XIRP2: variants seen among roughly 807,000 people sequenced by gnomAD.
XIRP2 encodes xin actin binding repeat containing 2.
In XIRP2, 236 loss-of-function variants were observed where a neutral mutation model predicts 277.0. The observed-to-expected ratio is 0.85, with a 90% CI of 0.77 to 0.95. The LOEUF is 0.95. XIRP2 is among the 40% of genes least tolerant of loss of function. XIRP2 has a pLI of 0.00. For synonymous variants in XIRP2, 1,490 were observed against 1,416.5 expected (o/e 1.05, Z -1.17); for missense variants, 4,640 against 4,157.5 (o/e 1.12, Z -3.19).
At chr2:167,145,370 A>G (rs1235323784) in intron 3 of XIRP2, among the ~76,000 whole-genome samples, 1 of 152,162 alleles carries the variant, frequency 6.6e-6, no homozygotes, top group Admixed American at 6.5e-5. Flanking sequence ...AATTAGCAGA[A>G]TTGAAAGAAA....
At chr2:167,208,513 T>C (rs1486299185) in intron 3 of XIRP2, among the ~76,000 whole-genome samples, 1 of 152,140 alleles carries the variant, frequency 6.6e-6, no homozygotes, top group Admixed American at 6.5e-5. Context: ...TTTCACCGTG[T>C]TAGCCAGGAT....
intron 2 of XIRP2, among the ~76,000 whole-genome samples, chr2:166,923,309 C>A (rs1685104746): frequency 6.6e-6 from 1 of 152,036 alleles, no homozygotes; most frequent in Non-Finnish European, 1.5e-5. Flanking sequence ...GTATATTGCT[C>A]AAAAGAGCCT....
At chr2:166,908,145 G>A (rs576704555) in intron 2 of XIRP2, among the ~76,000 whole-genome samples, 58 of 152,136 alleles carry the variant, frequency 3.8e-4, no homozygotes, top group Non-Finnish European at 7.3e-4. Flanking sequence ...TGGGATGGCT[G>A]GGTTAAATGG....
In XIRP2 at chr2:167,249,371, T is replaced by A. The variant is rs201743062; in HGVS notation, c.7979T>A (p.Leu2660Ter). The change falls in exon 9 of 11, where the codon TTA becomes TAA. Residue 2660 changes from leucine (L) to a stop codon, truncating the protein, a stop_gained. Coordinates refer to ENST00000409195, the MANE Select transcript of XIRP2 (RefSeq NM_152381.6). LOFTEE classifies it high-confidence loss of function. ...AAAGATAAGATGAAAAAGGAAGTTT[T>A]ACAAAGCTCAAGGGACATTATGCAA... The part of the protein sequence containing the change: ...EDKDKMKKEV[L>*]QSSRDIMQSK... 6 of 1,613,788 alleles carry A rather than the reference T, an allele frequency of 3.7e-6. No individual in the cohort carries two copies. In the African/African-American group the frequency reaches 8.0e-5, roughly 22 times the overall value.
intron 5 of XIRP2, among the ~76,000 whole-genome samples, chr2:167,228,333 T>C (rs1694665467): frequency 6.6e-6 from 1 of 152,146 alleles, no homozygotes; most frequent in African/African-American, 2.4e-5. Context: ...CAGAACCTAT[T>C]GGTATATGAG....
intron 2 of XIRP2, among the ~76,000 whole-genome samples, chr2:166,942,263 AC>A (rs955524281): frequency 2.0e-5 from 3 of 152,126 alleles, no homozygotes; most frequent in Non-Finnish European, 4.4e-5. Context: ...AAAAATATTG[AC>A]CCTGTGGGCA....
chr2:167,216,217 C>A (rs1694244313), intron 4 of XIRP2, among the ~76,000 whole-genome samples: 1 of 61,428 alleles, frequency 1.6e-5, no homozygotes, highest in South Asian at 7.0e-4. Context: ...AGGACATAGG[C>A]GTGGGCAAGG....
At chr2:166,889,247 A>T (rs1296561790) in intron 1 of XIRP2, among the ~76,000 whole-genome samples, 1 of 152,198 alleles carries the variant, frequency 6.6e-6, no homozygotes, top group Non-Finnish European at 1.5e-5. Flanking sequence ...AAAAACATTC[A>T]AATTGTTACA....
intron 2 of XIRP2, among the ~76,000 whole-genome samples, chr2:167,083,849 A>G (rs1167185442): frequency 2.6e-5 from 4 of 152,004 alleles, no homozygotes; most frequent in Admixed American, 6.6e-5. Flanking sequence ...GGCTGAGACA[A>G]TGTGGTTTTC....
At chr2:166,907,132 A>G (rs1466704919) in intron 2 of XIRP2, among the ~76,000 whole-genome samples, 1 of 152,180 alleles carries the variant, frequency 6.6e-6, no homozygotes, top group African/African-American at 2.4e-5. Flanking sequence ...ACACCATGTT[A>G]AAACAACTTA....
chr2:167,027,284 A>G (rs999746316), intron 2 of XIRP2, among the ~76,000 whole-genome samples: 1 of 151,936 alleles, frequency 6.6e-6, no homozygotes, highest in Non-Finnish European at 1.5e-5. Flanking sequence ...CCTTTCTTCC[A>G]GTTTATCACA....
intron 2 of XIRP2, among the ~76,000 whole-genome samples, chr2:166,936,625 A>G (rs941244367): frequency 1.3e-5 from 2 of 152,220 alleles, no homozygotes; most frequent in Non-Finnish European, 2.9e-5. Context: ...TCAGATTTCT[A>G]CATATGGCTA....
intron 2 of XIRP2, among the ~76,000 whole-genome samples, chr2:166,980,928 T>C (rs1206844901): frequency 6.6e-6 from 1 of 152,166 alleles, no homozygotes; most frequent in African/African-American, 2.4e-5. Flanking sequence ...TTTAGCACTC[T>C]CTCTAGTGAT....
intron 5 of XIRP2, among the ~76,000 whole-genome samples, chr2:167,226,757 G>A (rs559843997): frequency 3.9e-4 from 59 of 152,226 alleles, no homozygotes; most frequent in African/African-American, 1.3e-3. Context: ...GTTTCGAAGA[G>A]TTCTCTGTCT....
At chr2:167,115,889 C>T (rs566645309) in intron 2 of XIRP2, among the ~76,000 whole-genome samples, 1 of 152,180 alleles carries the variant, frequency 6.6e-6, no homozygotes, top group African/African-American at 2.4e-5. Context: ...CCTTTTTGAT[C>T]CATGGATTGT....
At position 167,259,503 on chromosome 2, in the gene XIRP2, G is replaced by T; in HGVS notation, c.*1686G>T. 2.5e-6 allele frequency: 2 copies of T among 798,236 alleles called. No homozygotes were observed. The highest frequency in any genetic ancestry group is 4.9e-5 in the South Asian group (2 of 41,108). The allele number at this position is 798,236 out of a possible 1,614,324, so 49.4% of individuals were successfully genotyped here. A position where few individuals can be genotyped will look rare whatever the true frequency, so the allele number is the denominator to read the frequency against. ...CAGAAATCTCGTGTCTATCTCAATG[G>T]GATATTTCTTGTATTACACCTTGTC... is the stretch of plus-strand genomic sequence containing the variant. On this transcript the variant is annotated 3_prime_UTR_variant, in exon 11 of 11. Coordinates refer to ENST00000409195, the MANE Select transcript of XIRP2 (RefSeq NM_152381.6).
rs2105436769 is a variant in XIRP2 at position 167,244,723 on chromosome 2, T to C, written c.3331T>C (p.Ser1111Pro). ...AATGGAGTCTCTTTATGAAAAAGTT[T>C]CGTTAATGACCAGCAGTGAAGAAAT... ...QPMESLYEKV[S>P]LMTSSEEIHK... Residue 1111 changes from serine to proline, a missense_variant, in exon 9 of 11, where the codon TCG becomes CCG. Ser to Pro is a moderately conservative substitution (Grantham distance 74). Transcript: ENST00000409195. The C allele has an allele frequency of 6.2e-7, 1 of 1,613,126 alleles. No homozygotes were observed. The highest frequency in any genetic ancestry group is 2.2e-5 in the East Asian group (1 of 44,840).
intron 3 of XIRP2, among the ~76,000 whole-genome samples, chr2:167,169,484 T>A (rs1438689068): frequency 6.6e-6 from 1 of 152,178 alleles, no homozygotes; most frequent in African/African-American, 2.4e-5. Context: ...TAAGTTTTGG[T>A]TCTGTGTATT....
chr2:167,244,606 G>A lies in XIRP2; in HGVS notation c.3214G>A (p.Asp1072Asn). ...TCTTGATTCAATTAAATATTTTAGT[G>A]ATGTGGAAGAAACAGAAAGTAAAAC... Reference protein sequence around the residue: ...QPLDSIKYFSDVEETESKTEQ... With the variant: ...QPLDSIKYFSNVEETESKTEQ... Residue 1072 changes from aspartate (D) to asparagine (N), a missense_variant, in exon 9 of 11, where the codon GAT (aspartate) becomes AAT (asparagine). By Grantham distance (23) the Asp-to-Asn change is conservative. Transcript: ENST00000409195. 1 of 1,612,730 alleles carries A rather than the reference G, an allele frequency of 6.2e-7. No homozygotes were observed. Among genetic ancestry groups the A allele is most frequent in the Non-Finnish European group, 8.5e-7 (1 of 1,179,406 alleles).
Sources: gnomAD v4.1 joint callset for allele counts (sites outside exome capture counted in the v4.1 genomes callset) on GRCh38, gnomAD v4.1.1 for gene constraint, MANE v1.5 for transcripts, NCBI Gene and HGNC (gene_info 2026-07-23, HGNC 2026-07-21) for gene names.